Variants in CDON observed in about 807,000 individuals in gnomAD.
CDON encodes the protein cell adhesion molecule-related/down-regulated by oncogenes.
Under a neutral mutation model 120.9 loss-of-function variants are expected in CDON, and 73 were observed. That is an observed-to-expected ratio of 0.60 (90% CI 0.50 to 0.73). CDON has a LOEUF of 0.73. Among genes scored for constraint, CDON ranks in the 30% least tolerant of loss-of-function variants. The pLI, the probability that CDON is intolerant of heterozygous loss-of-function variation, is 0.00. For synonymous variants in CDON, 566 were observed against 573.5 expected (o/e 0.99, Z 0.19); for missense variants, 1,470 against 1,587.3 (o/e 0.93, Z 1.26).
intron 1 of CDON, among the ~76,000 whole-genome samples, chr11:126,023,962 C>T (rs1947710570): frequency 6.6e-6 from 1 of 152,210 alleles, no homozygotes; most frequent in African/African-American, 2.4e-5. Context: ...CATTTCAGTG[C>T]TTTAATACAC....
intron 1 of CDON, among the ~76,000 whole-genome samples, chr11:126,062,134 T>C (rs1377191093): frequency 6.6e-6 from 1 of 152,092 alleles, no homozygotes; most frequent in Non-Finnish European, 1.5e-5. Flanking sequence ...CAGAGAAAGA[T>C]ACATTGTGCA....
chr11:126,021,661 C>T, intron 2 of CDON, 141 bp from the exon 3 acceptor site: 1 of 790,656 alleles, frequency 1.3e-6, no homozygotes, highest in East Asian at 2.7e-5. Flanking sequence ...GTTCTTGATG[C>T]TTGTAAAAGT....
intron 18 of CDON, among the ~76,000 whole-genome samples, chr11:125,967,188 G>A (rs1257465478): frequency 6.6e-6 from 1 of 152,158 alleles, no homozygotes; most frequent in Non-Finnish European, 1.5e-5. Flanking sequence ...AAACACTGGA[G>A]GGGGAAATGG....
intron 1 of CDON, among the ~76,000 whole-genome samples, chr11:126,036,464 A>G (rs1948099507): frequency 6.6e-6 from 1 of 152,222 alleles, no homozygotes; most frequent in Admixed American, 6.5e-5. Context: ...TTAAAGAAAC[A>G]ATTCTCATGT....
chr11:126,021,109 C>A, intron 3 of CDON, 139 bp downstream of exon 3: 1 of 848,164 alleles, frequency 1.2e-6, no homozygotes, highest in Non-Finnish European at 1.9e-6. Context: ...ACAATATACT[C>A]ACAGCAAGAG....
In CDON at chr11:126,038,386, T is replaced by G. The variant is rs1948159598; in HGVS notation, c.-61-14849A>C. Among the ~76,000 whole-genome samples, 3 of 152,152 alleles carry G rather than the reference T, an allele frequency of 2.0e-5. No individual in the cohort carries two copies. In the South Asian group the frequency reaches 6.2e-4, roughly 32 times the overall value. On this transcript the variant is annotated intron_variant, in intron 1 of 19. Coordinates refer to ENST00000531738, the MANE Select transcript of CDON (RefSeq NM_001378964.1). ...AGAATCTCAGGCTTGACATGGTGGC[T>G]CACGCCTGCAATCCCAGCACTTAGG...
intron 18 of CDON, among the ~76,000 whole-genome samples, chr11:125,972,806 T>C (rs752448150): frequency 4.6e-5 from 7 of 152,086 alleles, no homozygotes; most frequent in Non-Finnish European, 7.3e-5. Context: ...AAAGGCCCCA[T>C]GCAAGACTTC....
chr11:126,021,615 T>A (rs1260942871), intron 2 of CDON, 95 bp from the exon 3 acceptor site: 2 of 1,090,776 alleles, frequency 1.8e-6, no homozygotes, highest in Middle Eastern at 2.5e-4. Flanking sequence ...TGTATCTTTA[T>A]AACTAAAGGC....
chr11:126,058,394 C>T (rs988491472), intron 1 of CDON, among the ~76,000 whole-genome samples: 1 of 152,182 alleles, frequency 6.6e-6, no homozygotes, highest in Non-Finnish European at 1.5e-5. Flanking sequence ...GCAGTGTTTA[C>T]TCCAATTCAT....
rs745557470 is a variant in CDON at position 126,006,019 on chromosome 11, G to T, written c.1591C>A (p.Leu531Ile). 4 of 1,614,100 alleles carry T rather than the reference G, an allele frequency of 2.5e-6. No homozygotes were observed. The highest frequency in any genetic ancestry group is 3.4e-6 in the Non-Finnish European group (4 of 1,179,998). ...ETNTKAETVT[L>I]PDAAQNDDRS... ...TCATCATTCTGAGCAGCATCAGGAA[G>T]TGTGACTGTCTCTGCTTTTGTATTT... is the stretch of plus-strand genomic sequence containing the variant. Residue 531 changes from leucine (L) to isoleucine (I), a missense_variant, in exon 9 of 20, where the codon CTT (leucine) becomes ATT (isoleucine). By Grantham distance (5) the Leu-to-Ile change is conservative. Coordinates refer to ENST00000531738, the MANE Select transcript of CDON (RefSeq NM_001378964.1).
chr11:125,975,005 C>G (rs555071197), intron 18 of CDON, among the ~76,000 whole-genome samples: 6 of 152,240 alleles, frequency 3.9e-5, no homozygotes, highest in African/African-American at 1.2e-4. Flanking sequence ...CCCCATGTCT[C>G]ACTGATCCCC....
chr11:126,023,553 G>T lies in CDON; in HGVS notation c.-61-16C>A. 1.9e-6 allele frequency: 2 copies of T among 1,070,426 alleles called. No individual in the cohort carries two copies. The highest frequency in any genetic ancestry group is 2.9e-6 in the Non-Finnish European group (2 of 686,570). The allele number at this position is 1,070,426 out of a possible 1,614,324, so 66.3% of individuals were successfully genotyped here. On this transcript the variant is annotated splice_polypyrimidine_tract_variant and intron_variant, in intron 1 of 19. Coordinates refer to ENST00000531738, the MANE Select transcript of CDON (RefSeq NM_001378964.1). Reference sequence around the variant, plus strand: ...CCTTGGTTCACTAAAAAAGAAAAAGGAAAGAAAATCTAAACCATTGAAATC... The same window carrying T: ...CCTTGGTTCACTAAAAAAGAAAAAGTAAAGAAAATCTAAACCATTGAAATC...
rs993611705 is a variant in CDON, at chr11:126,015,270, T to A, written c.1169A>T (p.His390Leu). 14 of 1,614,052 alleles carry A rather than the reference T, an allele frequency of 8.7e-6. No homozygotes were observed. The highest frequency in any genetic ancestry group is 1.2e-5 in the Non-Finnish European group (14 of 1,179,974). ...CVADNGIGFM[H>L]STGRLEIEND... is the part of the protein sequence containing the mutation. ...TTCAATTTCAAGTCTTCCAGTAGAG[T>A]GCATAAATCCAATCCCATTATCTGC... The change falls in exon 7 of 20, where the codon CAC (histidine) becomes CTC (leucine). Residue 390 changes from histidine (H) to leucine (L), a missense_variant. Coordinates refer to ENST00000531738, the MANE Select transcript of CDON (RefSeq NM_001378964.1).
chr11:126,041,884 T>C (rs750638230), intron 1 of CDON, among the ~76,000 whole-genome samples: 52 of 152,270 alleles, frequency 3.4e-4, no homozygotes, highest in South Asian at 8.3e-4. Flanking sequence ...AATATCAATT[T>C]GCTGATTTAT....
At position 125,997,393 on chromosome 11, in the gene CDON, G is replaced by A. The variant is rs760702944; in HGVS notation, c.2176C>T (p.Arg726Trp). Residue 726 changes from arginine (R) to tryptophan (W), a missense_variant, in exon 12 of 20, where the codon CGG (arginine) becomes TGG (tryptophan). Physicochemically the swap from Arg to Trp is moderately radical, Grantham distance 101. Transcript: ENST00000531738. ...RHSGVPEAPD[R>W]PTISTASETS... ...TCTGATGCAGTGGAGATGGTAGGCC[G>A]ATCTGGTGCCTCTGGAACTAAACAC... 9 of 1,612,664 alleles carry A rather than the reference G, an allele frequency of 5.6e-6. No individual in the cohort carries two copies. The highest frequency in any genetic ancestry group is 6.8e-6 in the Non-Finnish European group (8 of 1,179,092).
At chr11:125,980,514 T>C (rs1435205863) in intron 17 of CDON, among the ~76,000 whole-genome samples, 2 of 152,184 alleles carry the variant, frequency 1.3e-5, no homozygotes, top group Non-Finnish European at 2.9e-5. Flanking sequence ...AATCTGTCAA[T>C]TTCACTTGGA....
chr11:126,031,511 GAAA>G, intron 1 of CDON, among the ~76,000 whole-genome samples: 1 of 152,158 alleles, frequency 6.6e-6, no homozygotes, highest in South Asian at 2.1e-4. Flanking sequence ...ACGTCACGTA[GAAA>G]AAAGTGAATT....
rs1945623019 is a variant in CDON at position 125,960,907 on chromosome 11, T to G, written c.*35A>C. On this transcript the variant is annotated 3_prime_UTR_variant, in exon 20 of 20. Transcript: ENST00000531738. ...AGGCCTGTTGTGTGCAGTTACCGGC[T>G]TGAAGTTGGAACATGACTGGTTGTT... 6.2e-7 allele frequency: 1 copy of G among 1,609,590 alleles called. No individual in the cohort carries two copies. The highest frequency in any genetic ancestry group is 1.3e-5 in the African/African-American group (1 of 74,816).
chr11:126,048,282 CAA>C (rs1239820423), intron 1 of CDON, among the ~76,000 whole-genome samples: 11 of 119,436 alleles, frequency 9.2e-5, no homozygotes, highest in Non-Finnish European at 5.3e-5. Context: ...GACTCTGTCT[CAA>C]AAAAAAAAAA....
Sources: allele counts gnomAD v4.1 joint callset (sites outside exome capture counted in the v4.1 genomes callset), GRCh38; gene constraint gnomAD v4.1.1; transcripts MANE v1.5; gene names NCBI Gene and HGNC (gene_info 2026-07-23, HGNC 2026-07-21).